SGCZ: variants seen among roughly 807,000 people sequenced by gnomAD.
The protein encoded by SGCZ is sarcoglycan zeta, also known as zeta-sarcoglycan.
In SGCZ, 40 loss-of-function variants were observed where a neutral mutation model predicts 41.3. The ratio of observed to expected loss-of-function variants is 0.97; its 90% CI spans 0.75 to 1.26. The LOEUF (loss-of-function observed/expected upper bound fraction) is 1.26, where lower values mean the gene tolerates loss of function less well. Among genes scored for constraint, SGCZ ranks in the 50% most tolerant of loss-of-function variants. SGCZ has a pLI of 0.00. For synonymous variants in SGCZ, 206 were observed against 137.5 expected (o/e 1.50, Z -3.49); for missense variants, 552 against 369.8 (o/e 1.49, Z -4.04).
At chr8:14,202,077 G>T (rs186193727) in intron 4 of SGCZ, among the ~76,000 whole-genome samples, 8 of 152,244 alleles carry the variant, frequency 5.3e-5, no homozygotes, top group African/African-American at 1.7e-4. Context: ...AATTAAGGTT[G>T]CTCACCGCCT....
At chr8:15,088,559 G>A (rs911232895) in intron 1 of SGCZ, among the ~76,000 whole-genome samples, 1 of 152,034 alleles carries the variant, frequency 6.6e-6, no homozygotes, top group African/African-American at 2.4e-5. Context: ...GTGTAGAATT[G>A]TTTAAATAAA....
chr8:14,216,506 A>G (rs1805998502), intron 4 of SGCZ, among the ~76,000 whole-genome samples: 1 of 152,204 alleles, frequency 6.6e-6, no homozygotes, highest in Non-Finnish European at 1.5e-5. Context: ...ACTTAGATGC[A>G]AAAAGTTTTC....
At chr8:14,528,010 T>C (rs954564197) in intron 2 of SGCZ, among the ~76,000 whole-genome samples, 5 of 152,046 alleles carry the variant, frequency 3.3e-5, no homozygotes, top group African/African-American at 9.7e-5. Flanking sequence ...AATTAGCTAA[T>C]AGTACAGATG....
intron 1 of SGCZ, among the ~76,000 whole-genome samples, chr8:15,158,033 T>C (rs751035010): frequency 1.3e-5 from 2 of 152,132 alleles, no homozygotes; most frequent in African/African-American, 2.4e-5. Context: ...TCCATGCACT[T>C]GCCTCTCACC....
intron 4 of SGCZ, among the ~76,000 whole-genome samples, chr8:14,167,128 G>GAT (rs1804234171): frequency 6.6e-6 from 1 of 152,084 alleles, no homozygotes; most frequent in South Asian, 2.1e-4. Context: ...AATGGAAAAT[G>GAT]ATATGTTCTT....
intron 1 of SGCZ, among the ~76,000 whole-genome samples, chr8:14,724,892 A>C (rs1450254707): frequency 6.6e-6 from 1 of 152,126 alleles, no homozygotes; most frequent in Non-Finnish European, 1.5e-5. Flanking sequence ...CATGCAATAA[A>C]TTATTGTCAA....
At chr8:14,209,096 T>C (rs183297204) in intron 4 of SGCZ, among the ~76,000 whole-genome samples, 8 of 152,278 alleles carry the variant, frequency 5.3e-5, no homozygotes, top group African/African-American at 1.7e-4. Context: ...GCCATGTATA[T>C]AGTAAGAAGC....
intron 2 of SGCZ, among the ~76,000 whole-genome samples, chr8:14,411,273 T>C (rs1291073967): frequency 6.6e-6 from 1 of 152,276 alleles, no homozygotes; most frequent in East Asian, 1.9e-4. Flanking sequence ...ATTCTATTTG[T>C]GCTCTTAACA....
chr8:14,379,512 G>A (rs962628184), intron 2 of SGCZ, among the ~76,000 whole-genome samples: 6 of 151,962 alleles, frequency 3.9e-5, no homozygotes, highest in Non-Finnish European at 4.4e-5. Context: ...GCTCCCAAGG[G>A]AAACAACTCA....
chr8:14,578,609 G>C (rs1804789218), intron 1 of SGCZ, among the ~76,000 whole-genome samples: 1 of 152,206 alleles, frequency 6.6e-6, no homozygotes, highest in African/African-American at 2.4e-5. Flanking sequence ...ATATGTATGA[G>C]TGCTAAAACT....
At chr8:15,226,614 A>G (rs1801783124) in intron 1 of SGCZ, among the ~76,000 whole-genome samples, 2 of 151,974 alleles carry the variant, frequency 1.3e-5, no homozygotes, top group Admixed American at 1.3e-4. Flanking sequence ...CCCAGTTTCC[A>G]CTCTTTCCCA....
chr8:15,215,341 G>A (rs573799929), intron 1 of SGCZ, among the ~76,000 whole-genome samples: 5 of 152,278 alleles, frequency 3.3e-5, no homozygotes, highest in African/African-American at 1.2e-4. Context: ...GTATACGCAA[G>A]AAGAAAAAAC....
At position 14,759,008 on chromosome 8, in the gene SGCZ, CAA is replaced by C. The variant is rs760673509; in HGVS notation, c.40-204084_40-204083del. On this transcript the variant is annotated intron_variant, in intron 1 of 7. Coordinates refer to ENST00000382080, the MANE Select transcript of SGCZ (RefSeq NM_139167.4). The stretch of plus-strand genomic sequence containing the variant: ...GGGCAACAGGAGTGAAACTCCATCT[CAA>C]AAAAAAAAAAAAAAATTCTTTACAG... Among the ~76,000 whole-genome samples, 701 of 112,472 alleles carry C rather than the reference CAA, an allele frequency of 6.2e-3. 1 individual carries two copies. Among genetic ancestry groups the C allele is most frequent in the South Asian group, 0.018 (61 of 3,346 alleles). The allele number at this position is 112,472 out of a possible 152,430, so 73.8% of individuals were successfully genotyped here. A position where few individuals can be genotyped will look rare whatever the true frequency, so the allele number is the denominator to read the frequency against.
At chr8:14,989,136 A>T (rs1801924696) in intron 1 of SGCZ, among the ~76,000 whole-genome samples, 1 of 152,200 alleles carries the variant, frequency 6.6e-6, no homozygotes. Context: ...AGTTTATGGG[A>T]TTCCCAGAGG....
intron 1 of SGCZ, among the ~76,000 whole-genome samples, chr8:15,227,082 T>A (rs980613716): frequency 6.6e-6 from 1 of 152,030 alleles, no homozygotes; most frequent in Non-Finnish European, 1.5e-5. Flanking sequence ...TTGCTGGAAA[T>A]AGGAGAGGTG....
chr8:14,193,196 C>T (rs1246223056), intron 4 of SGCZ, among the ~76,000 whole-genome samples: 1 of 151,796 alleles, frequency 6.6e-6, no homozygotes. Flanking sequence ...CAGAAACATC[C>T]ATTTTACTCC....
intron 1 of SGCZ, among the ~76,000 whole-genome samples, chr8:14,811,369 T>C (rs932610527): frequency 6.6e-6 from 1 of 151,848 alleles, no homozygotes; most frequent in Non-Finnish European, 1.5e-5. Flanking sequence ...AGTGCTTTAA[T>C]AAAGTTAAAA....
rs534576131 is a variant in SGCZ at position 14,655,342 on chromosome 8, T to C, written c.40-100416A>G. Among the ~76,000 whole-genome samples the C allele has an allele frequency of 8.5e-5, 13 of 152,250 alleles. No homozygotes were observed. The East Asian group carries it at 1.7e-3, about 20-fold the overall frequency. On this transcript the variant is annotated intron_variant, in intron 1 of 7. Transcript: ENST00000382080. ...CAATATAAAGTATCAAAATATTTAATTGAAATAAAAATGCAGCCACTGATT... is the reference window on the plus strand; with the variant it reads ...CAATATAAAGTATCAAAATATTTAACTGAAATAAAAATGCAGCCACTGATT...
chr8:14,383,703 G>C (rs1016767520), intron 2 of SGCZ, among the ~76,000 whole-genome samples: 1 of 152,162 alleles, frequency 6.6e-6, no homozygotes, highest in African/African-American at 2.4e-5. Flanking sequence ...GCAAACACTG[G>C]TTGGGAAAGA....
Sources: gnomAD v4.1 joint callset for allele counts (sites outside exome capture counted in the v4.1 genomes callset) on GRCh38, gnomAD v4.1.1 for gene constraint, MANE v1.5 for transcripts, NCBI Gene and HGNC (gene_info 2026-07-23, HGNC 2026-07-21) for gene names.